The following WNT5B variants were observed in gnomAD, a reference collection of about 807,000 sequenced individuals.
WNT5B encodes protein Wnt-5b.
A neutral mutation model predicts 36.5 loss-of-function variants in WNT5B; 18 were observed. The ratio of observed to expected loss-of-function variants is 0.49; its 90% CI spans 0.34 to 0.73. WNT5B has a LOEUF of 0.73. Ranked by LOEUF, WNT5B falls within the 30% of genes least tolerant of loss-of-function variation. The probability of loss-of-function intolerance (pLI) is 0.01; values close to 1 mark genes in which losing one functional copy is unlikely to be tolerated. For missense variants in WNT5B, 424 were observed against 508.4 expected (o/e 0.83, Z 1.60); for synonymous variants, 213 against 212.3 (o/e 1.00, Z -0.03).
chr12:1,635,584 C>G (rs1194351032), intron 3 of WNT5B, among the ~76,000 whole-genome samples: 1 of 152,206 alleles, frequency 6.6e-6, no homozygotes, highest in African/African-American at 2.4e-5. Context: ...GTCTGAGGAA[C>G]TGTGTAGAGG....
At chr12:1,638,815 T>A (rs931506356) in intron 3 of WNT5B, among the ~76,000 whole-genome samples, 18 of 152,186 alleles carry the variant, frequency 1.2e-4, no homozygotes, top group African/African-American at 4.1e-4. Context: ...CTAGACATTG[T>A]AATTCTAGTT....
chr12:1,640,702 C>T lies in WNT5B; in HGVS notation c.621+726C>T, dbSNP rs141729362. ...GGCCCCTAGGTGGCATGCTGGAAAG[C>T]GTGAACCCTCTCTGCCTGCACCTTG... On this transcript the variant is annotated intron_variant, in intron 4 of 4. Transcript: ENST00000397196. Among the ~76,000 whole-genome samples, 477 of 152,330 alleles carry T rather than the reference C, an allele frequency of 3.1e-3. 1 individual carries two copies. The highest frequency in any genetic ancestry group is 5.6e-3 in the Non-Finnish European group (382 of 68,026).
At chr12:1,636,497 CTATATATATATATA>C (rs56095993) in intron 3 of WNT5B, among the ~76,000 whole-genome samples, 11,894 of 81,016 alleles carry the variant, frequency 0.15, 1,015 homozygotes, top group South Asian at 0.28. Context: ...GTGTTGCAGT[CTATATATATATATA>C]TATATATATA....
chr12:1,621,812 T>C (rs1195499965), intron 1 of WNT5B, among the ~76,000 whole-genome samples: 1 of 152,042 alleles, frequency 6.6e-6, no homozygotes. Context: ...CCCAAAGTGC[T>C]GGGATTACAG....
At chr12:1,626,077 C>G (rs2094540611), upstream of WNT5B, among the ~76,000 whole-genome samples, 1 of 151,062 alleles carries the variant, frequency 6.6e-6, no homozygotes, top group South Asian at 2.1e-4. Flanking sequence ...CTCCTGGGCT[C>G]AAGCGATCCT....
rs1041664863 is a variant in WNT5B, at chr12:1,622,149, C to T, written c.-58+5006C>T. 9.2e-5 allele frequency among the ~76,000 whole-genome samples: 13 copies of T among 141,128 alleles called. No homozygotes were observed. In the South Asian group the frequency reaches 1.3e-3, roughly 14 times the overall value. 92.6% of individuals were successfully genotyped at this position (141,128 alleles called of 152,430 possible). On this transcript the variant is annotated intron_variant, in intron 1 of 4. Transcript: ENST00000310594. Reference sequence around the variant, plus strand: ...TTTTTGAGACGGAGTCTCGCTCTGTCGCCCAGGCTGGAGTGCAGTGGCGTG... The same window carrying T: ...TTTTTGAGACGGAGTCTCGCTCTGTTGCCCAGGCTGGAGTGCAGTGGCGTG...
intron 3 of WNT5B, among the ~76,000 whole-genome samples, 156 bp from the exon 4 acceptor site, chr12:1,639,528 A>T (rs919100432): frequency 6.6e-6 from 1 of 152,016 alleles, no homozygotes; most frequent in African/African-American, 2.4e-5. Context: ...TTATAAAGAG[A>T]CGTTTCCAAG....
Position 1,633,892 on chromosome 12 carries a change from C to T in WNT5B, c.328+987C>T, listed in dbSNP as rs1457403102. 6.6e-6 allele frequency among the ~76,000 whole-genome samples: 1 copy of T among 152,126 alleles called. No individual in the cohort carries two copies. Among genetic ancestry groups the T allele is most frequent in the Admixed American group, 6.5e-5 (1 of 15,270 alleles). On this transcript the variant is annotated intron_variant, in intron 3 of 4. Transcript: ENST00000397196. This position sits in a 1 kb window ranked among gnomAD's most constrained non-coding sequence, Gnocchi z 4.8. The stretch of plus-strand genomic sequence containing the variant: ...CCTCCCACTTATTCCAGACCTCTTT[C>T]CCTACCCTCTCTGTCCCATATTGAG...
upstream of WNT5B, among the ~76,000 whole-genome samples, chr12:1,626,849 G>A (rs1344797610): frequency 6.6e-6 from 1 of 152,204 alleles, no homozygotes; most frequent in East Asian, 1.9e-4. Context: ...ACAGTTGTGA[G>A]CCACTGCGCC....
At chr12:1,639,531 T>C (rs2094569671) in intron 3 of WNT5B, among the ~76,000 whole-genome samples, 153 bp from the exon 4 acceptor site, 1 of 151,996 alleles carries the variant, frequency 6.6e-6, no homozygotes, top group South Asian at 2.1e-4. Flanking sequence ...TAAAGAGACG[T>C]TTCCAAGCGT....
rs188381171 is a variant in WNT5B at position 1,642,244 on chromosome 12, T to C, written c.621+2268T>C. Among the ~76,000 whole-genome samples the C allele has an allele frequency of 8.5e-5, 13 of 152,258 alleles. No individual in the cohort carries two copies. The East Asian group carries it at 2.3e-3, about 27-fold the overall frequency. ...CAGTCTATTTGCCCACGTCTTTGGG[T>C]GTCTGGGCCTGAGGAGTAGAGATGT... On this transcript the variant is annotated intron_variant, in intron 4 of 4. Coordinates refer to ENST00000397196, the MANE Select transcript of WNT5B (RefSeq NM_032642.3).
At chr12:1,637,601 C>A (rs1277638942) in intron 3 of WNT5B, among the ~76,000 whole-genome samples, 4 of 128,466 alleles carry the variant, frequency 3.1e-5, no homozygotes, top group Admixed American at 2.3e-4. Flanking sequence ...AAAAAAAAAA[C>A]TAGCCAGGCG....
chr12:1,635,956 C>T (rs1025884332), intron 3 of WNT5B, among the ~76,000 whole-genome samples: 1 of 152,106 alleles, frequency 6.6e-6, no homozygotes, highest in Non-Finnish European at 1.5e-5. Context: ...CTGTGTCATG[C>T]CCAGATAATC....
chr12:1,645,593 G>A (rs539383295), intron 4 of WNT5B, among the ~76,000 whole-genome samples: 2 of 152,336 alleles, frequency 1.3e-5, no homozygotes, highest in East Asian at 3.9e-4. Context: ...CCGCCCCAGG[G>A]TTCTTTTCTG....
In WNT5B at chr12:1,645,973, C is replaced by T. The variant is rs1223328649; in HGVS notation, c.801C>T (p.Asn267=). ...GCAAGGGCCGGCTGGAGCTGGTCAACAGCCGCTTCACCCAGCCCACCCCGG... is the reference window on the plus strand; with the variant it reads ...GCAAGGGCCGGCTGGAGCTGGTCAATAGCCGCTTCACCCAGCCCACCCCGG... ...VTRKGRLELV[N]SRFTQPTPED... The change falls in exon 5 of 5, where the codon AAC becomes AAT. Residue 267 remains asparagine (N), a synonymous_variant. Transcript: ENST00000397196. The T allele has an allele frequency of 1.2e-6, 2 of 1,611,066 alleles. No homozygotes were observed. Among genetic ancestry groups the T allele is most frequent in the Admixed American group, 3.3e-5 (2 of 60,008 alleles).
At chr12:1,635,179 G>C (rs1313683329) in intron 3 of WNT5B, among the ~76,000 whole-genome samples, 5 of 152,218 alleles carry the variant, frequency 3.3e-5, no homozygotes, top group Non-Finnish European at 7.3e-5. Flanking sequence ...AAAGAGGCAG[G>C]CAGCGCACCG....
Position 1,646,291 on chromosome 12 carries a change from C to T in WNT5B, c.*39C>T. The T allele has an allele frequency of 2.0e-6, 3 of 1,522,762 alleles. No individual in the cohort carries two copies. The highest frequency in any genetic ancestry group is 2.7e-6 in the Non-Finnish European group (3 of 1,130,988). The allele number at this position is 1,522,762 out of a possible 1,614,324, so 94.3% of individuals were successfully genotyped here. On this transcript the variant is annotated 3_prime_UTR_variant, in exon 5 of 5. Transcript: ENST00000397196. ...CTCCCGGCCCCCCTGCACTCTGCCT[C>T]ACAAAGGTCTATATTATATAAATCT...
rs781095675 is a variant in WNT5B, at chr12:1,632,846, G to A, written c.269G>A (p.Arg90Gln). The change falls in exon 3 of 5, where the codon CGG becomes CAG. Residue 90 changes from arginine to glutamine, a missense_variant. Coordinates refer to ENST00000397196, the MANE Select transcript of WNT5B (RefSeq NM_032642.3). The surrounding 1 kb of genome is among the most constrained non-coding windows in gnomAD (Gnocchi z 5.8). Reference protein sequence around the residue: ...IKECQHQFRQRRWNCSTADNA... With the variant: ...IKECQHQFRQQRWNCSTADNA... The stretch of plus-strand genomic sequence containing the variant: ...GAATGCCAGCACCAGTTCCGGCAGC[G>A]GCGGTGGAATTGCAGCACAGCGGAC... 18 of 1,614,156 alleles carry A rather than the reference G, an allele frequency of 1.1e-5. 1 individual carries two copies. Among genetic ancestry groups the A allele is most frequent in the Middle Eastern group, 3.3e-4 (2 of 6,062 alleles).
intron 4 of WNT5B, 87 bp from the exon 5 acceptor site, chr12:1,645,707 T>A (rs2094584026): frequency 7.7e-7 from 1 of 1,290,750 alleles, no homozygotes; most frequent in Admixed American, 2.3e-5. Flanking sequence ...GCCCCTCCTG[T>A]GTACTAGGCC....
Sources: gnomAD v4.1 joint callset for allele counts (sites outside exome capture counted in the v4.1 genomes callset) on GRCh38, gnomAD v4.1.1 for gene constraint, Gnocchi (gnomAD v3.1) non-coding constraint, MANE v1.5 for transcripts, NCBI Gene and HGNC (gene_info 2026-07-23, HGNC 2026-07-21) for gene names.